The following PTPRK variants were observed in gnomAD, a reference collection of about 807,000 sequenced individuals.
PTPRK encodes the protein protein tyrosine phosphatase receptor type K, also known as receptor-type tyrosine-protein phosphatase kappa.
PTPRK carries 75 observed loss-of-function variants against 178.0 expected under a neutral mutation model. The ratio of observed to expected loss-of-function variants is 0.42; its 90% confidence interval spans 0.35 to 0.51. PTPRK has a LOEUF of 0.51. Ranked by LOEUF, PTPRK falls within the 20% of genes least tolerant of loss-of-function variation. PTPRK has a pLI of 0.02. For missense variants in PTPRK, 1,441 were observed against 1,797.8 expected (o/e 0.80, Z 3.59); for synonymous variants, 637 against 620.6 (o/e 1.03, Z -0.39).
intron 1 of PTPRK, among the ~76,000 whole-genome samples, chr6:128,420,085 C>T (rs1843311162): frequency 6.6e-6 from 1 of 152,202 alleles, no homozygotes; most frequent in African/African-American, 2.4e-5. Flanking sequence ...TATATCACTA[C>T]ATTTCCAAAC....
chr6:128,322,765 T>C (rs1296615494), intron 2 of PTPRK, among the ~76,000 whole-genome samples: 1 of 151,618 alleles, frequency 6.6e-6, no homozygotes, highest in Non-Finnish European at 1.5e-5. Flanking sequence ...TCCAGAATAT[T>C]ATTGCAGGGA....
At chr6:128,325,229 C>A (rs1321277746) in intron 2 of PTPRK, among the ~76,000 whole-genome samples, 2 of 151,992 alleles carry the variant, frequency 1.3e-5, no homozygotes, top group East Asian at 3.8e-4. Context: ...TTAAGTGCAA[C>A]CTTTATAGAC....
intron 7 of PTPRK, among the ~76,000 whole-genome samples, chr6:128,119,462 T>A (rs1438567395): frequency 1.3e-5 from 2 of 152,086 alleles, no homozygotes; most frequent in African/African-American, 4.8e-5. Context: ...CAAACTTCTT[T>A]AGGTGTAATG....
At chr6:128,003,138 A>C (rs527824274) in intron 15 of PTPRK, 1 of 1,496,840 alleles carries the variant, frequency 6.7e-7, no homozygotes, top group Admixed American at 1.8e-5. Flanking sequence ...ATGTGGGCAA[A>C]CCCATGCAAG....
At chr6:128,062,886 T>G (rs935950154) in intron 13 of PTPRK, 2 of 152,002 alleles carry the variant, frequency 1.3e-5, no homozygotes, top group African/African-American at 4.8e-5. Context: ...AACAGGGTCT[T>G]GCTATTTTGC....
chr6:127,970,906 C>T (rs1198003227), intron 29 of PTPRK, among the ~76,000 whole-genome samples: 1 of 151,428 alleles, frequency 6.6e-6, no homozygotes, highest in Admixed American at 6.6e-5. Flanking sequence ...TTTTATAATG[C>T]TACAGTGATA....
intron 13 of PTPRK, among the ~76,000 whole-genome samples, chr6:128,053,712 T>C (rs1779440753): frequency 6.6e-6 from 1 of 152,126 alleles, no homozygotes; most frequent in Non-Finnish European, 1.5e-5. Flanking sequence ...TGAATCTAAC[T>C]GACTTCTGAA....
At chr6:128,037,543 T>C (rs562886034) in intron 13 of PTPRK, among the ~76,000 whole-genome samples, 42 of 152,350 alleles carry the variant, frequency 2.8e-4, no homozygotes, top group African/African-American at 9.6e-4. Context: ...TGGAGTTTAT[T>C]ATTCACTTAA....
At chr6:127,993,424 T>C (rs1045607220) in intron 18 of PTPRK, among the ~76,000 whole-genome samples, 1 of 151,674 alleles carries the variant, frequency 6.6e-6, no homozygotes, top group Non-Finnish European at 1.5e-5. Context: ...TTGCTTTCAA[T>C]TGGTTTGAAT....
chr6:128,394,090 A>G (rs1175063852), intron 2 of PTPRK, among the ~76,000 whole-genome samples: 1 of 152,200 alleles, frequency 6.6e-6, no homozygotes, highest in Non-Finnish European at 1.5e-5. Flanking sequence ...CCTGTTTCTG[A>G]AACTTACATA....
intron 1 of PTPRK, among the ~76,000 whole-genome samples, chr6:128,495,749 G>A (rs889257336): frequency 6.6e-6 from 1 of 152,106 alleles, no homozygotes; most frequent in South Asian, 2.1e-4. Flanking sequence ...AGTCGTCATC[G>A]TTAGTTATAA....
intron 1 of PTPRK, among the ~76,000 whole-genome samples, chr6:128,454,282 G>A (rs1848138635): frequency 6.6e-6 from 1 of 152,076 alleles, no homozygotes; most frequent in African/African-American, 2.4e-5. Flanking sequence ...CCCAGCCTCT[G>A]GTATTCTGTT....
intron 13 of PTPRK, among the ~76,000 whole-genome samples, chr6:128,052,246 C>CT (rs1779137257): frequency 1.3e-5 from 2 of 152,128 alleles, no homozygotes; most frequent in African/African-American, 2.4e-5. Context: ...ATCCAGAATA[C>CT]TTTAGTATTT....
chr6:128,469,566 G>A (rs775132647), intron 1 of PTPRK, among the ~76,000 whole-genome samples: 9 of 152,126 alleles, frequency 5.9e-5, no homozygotes, highest in Admixed American at 6.6e-5. Context: ...GACTTTGGCT[G>A]CTTCAAGTCA....
intron 3 of PTPRK, among the ~76,000 whole-genome samples, chr6:128,280,847 T>G (rs1821555556): frequency 6.6e-6 from 1 of 152,194 alleles, no homozygotes; most frequent in African/African-American, 2.4e-5. Context: ...AATAAATTAA[T>G]TGTAGTTATG....
At chr6:128,164,631 C>T (rs1799136697) in intron 7 of PTPRK, among the ~76,000 whole-genome samples, 1 of 151,256 alleles carries the variant, frequency 6.6e-6, no homozygotes, top group South Asian at 2.1e-4. Context: ...ATTAATTTCT[C>T]CTTTTCAATC....
chr6:128,373,649 GCTAATA>G (rs1836613446), intron 2 of PTPRK, among the ~76,000 whole-genome samples: 1 of 151,940 alleles, frequency 6.6e-6, no homozygotes, highest in African/African-American at 2.4e-5. Context: ...TTTTCATTAT[GCTAATA>G]CTAACAGATA....
At chr6:128,190,489 C>A (rs1381710215) in intron 6 of PTPRK, among the ~76,000 whole-genome samples, 3 of 130,882 alleles carry the variant, frequency 2.3e-5, no homozygotes, top group South Asian at 4.7e-4. Flanking sequence ...GTGATAGATA[C>A]CTTTTTTTTT....
chr6:128,519,045 T>C lies in PTPRK; in HGVS notation c.100+1214A>G. 1 of 531,900 alleles carries C rather than the reference T, an allele frequency of 1.9e-6. No individual in the cohort carries two copies. The highest frequency in any genetic ancestry group is 1.4e-5 in the South Asian group (1 of 70,962). The allele number at this position is 531,900 out of a possible 1,614,324, so 32.9% of individuals were successfully genotyped here. Reference sequence around the variant, plus strand: ...GCGGCTTCAGCCAGGAGCGTGGCTGTCGCTTTTCCCGTCTTCTCCATCACC... The same window carrying C: ...GCGGCTTCAGCCAGGAGCGTGGCTGCCGCTTTTCCCGTCTTCTCCATCACC... On this transcript the variant is annotated intron_variant, in intron 1 of 29. Coordinates refer to ENST00000368226, the MANE Select transcript of PTPRK (RefSeq NM_002844.4). This position sits in a 1 kb window ranked among gnomAD's most constrained non-coding sequence, Gnocchi z 4.3.
Sources: gnomAD v4.1 joint callset for allele counts (sites outside exome capture counted in the v4.1 genomes callset) on GRCh38, gnomAD v4.1.1 for gene constraint, Gnocchi (gnomAD v3.1) non-coding constraint, MANE v1.5 for transcripts, NCBI Gene and HGNC (gene_info 2026-07-23, HGNC 2026-07-21) for gene names.